PTPRO: variants seen among roughly 807,000 people sequenced by gnomAD.
The protein encoded by PTPRO is protein tyrosine phosphatase receptor type O.
Under a neutral mutation model 145.2 loss-of-function variants are expected in PTPRO, and 62 were observed. The ratio of observed to expected loss-of-function variants is 0.43; its 90% CI spans 0.35 to 0.53. The LOEUF is 0.53. Ranked by LOEUF, PTPRO falls within the 20% of genes least tolerant of loss-of-function variation. The probability of loss-of-function intolerance (pLI) is 0.01; values close to 1 mark genes in which losing one functional copy is unlikely to be tolerated. For missense variants in PTPRO, 1,345 were observed against 1,482.7 expected, an observed-to-expected ratio of 0.91 and a Z score of 1.53; for synonymous variants, 565 against 514.7, an observed-to-expected ratio of 1.10 and a Z score of -1.32.
intron 10 of PTPRO, among the ~76,000 whole-genome samples, chr12:15,521,282 T>C (rs1287437632): frequency 3.3e-5 from 5 of 152,142 alleles, no homozygotes; most frequent in African/African-American, 1.2e-4. Context: ...ACAATTAACT[T>C]ACATAAGCAT....
At chr12:15,392,219 T>C (rs545687907) in intron 1 of PTPRO, among the ~76,000 whole-genome samples, 2 of 152,288 alleles carry the variant, frequency 1.3e-5, no homozygotes. Flanking sequence ...ATATTAGCAG[T>C]GACCCCAGAG....
At chr12:15,511,833 G>A (rs1200863105) in intron 7 of PTPRO, among the ~76,000 whole-genome samples, 1 of 152,122 alleles carries the variant, frequency 6.6e-6, no homozygotes, top group Non-Finnish European at 1.5e-5. Flanking sequence ...CAAAGTGGTG[G>A]GATTACAGGC....
At chr12:15,512,645 T>C (rs1376150469) in intron 7 of PTPRO, among the ~76,000 whole-genome samples, 1 of 152,206 alleles carries the variant, frequency 6.6e-6, no homozygotes, top group African/African-American at 2.4e-5. Flanking sequence ...AATAAAATAA[T>C]ATTGCTTAGT....
rs1942878702 is a variant in PTPRO at position 15,528,030 on chromosome 12, T to C, written c.2164+1768T>C. On this transcript the variant is annotated intron_variant, in intron 12 of 26. Transcript: ENST00000281171. ...AACACAGAAAAGCAATTCAGAAATT[T>C]ATCAGAGAAATTTTTAAATCAAACA... Among the ~76,000 whole-genome samples the C allele has an allele frequency of 2.0e-5, 3 of 152,078 alleles. No individual in the cohort carries two copies. In the South Asian group the frequency reaches 6.2e-4, roughly 32 times the overall value.
intron 5 of PTPRO, among the ~76,000 whole-genome samples, chr12:15,503,582 A>G (rs927486855): frequency 5.3e-5 from 8 of 152,114 alleles, no homozygotes; most frequent in Non-Finnish European, 1.2e-4. Context: ...AAAGCCAACA[A>G]TTGTTAACTT....
chr12:15,488,014 C>G (rs1941925993), intron 2 of PTPRO, among the ~76,000 whole-genome samples: 1 of 152,120 alleles, frequency 6.6e-6, no homozygotes, highest in African/African-American at 2.4e-5. Flanking sequence ...AGTGTGTCGC[C>G]TCTCTCCAGA....
At chr12:15,442,844 C>A (rs1361630547) in intron 1 of PTPRO, among the ~76,000 whole-genome samples, 2 of 152,112 alleles carry the variant, frequency 1.3e-5, no homozygotes, top group East Asian at 3.9e-4. Context: ...AATGAAAAAA[C>A]ATTCCATGCT....
At chr12:15,468,622 T>C (rs1166112711) in intron 1 of PTPRO, among the ~76,000 whole-genome samples, 2 of 152,236 alleles carry the variant, frequency 1.3e-5, no homozygotes, top group Non-Finnish European at 2.9e-5. Context: ...TTCTTAACAA[T>C]GCTTTTTCCA....
chr12:15,346,128 T>C (rs1867202850), intron 1 of PTPRO, among the ~76,000 whole-genome samples: 1 of 152,220 alleles, frequency 6.6e-6, no homozygotes, highest in Admixed American at 6.5e-5. Flanking sequence ...TTTTAGACTT[T>C]ACTGTGTCTG....
At chr12:15,447,627 A>G (rs955725971) in intron 1 of PTPRO, among the ~76,000 whole-genome samples, 1 of 152,196 alleles carries the variant, frequency 6.6e-6, no homozygotes, top group Non-Finnish European at 1.5e-5. Context: ...GGCAAGCATG[A>G]TGGATGCATT....
At chr12:15,494,691 A>G (rs1942066124) in intron 2 of PTPRO, among the ~76,000 whole-genome samples, 1 of 152,196 alleles carries the variant, frequency 6.6e-6, no homozygotes, top group South Asian at 2.1e-4. Context: ...TGCAGAAAAA[A>G]AATTGGAAAA....
At chr12:15,478,227 GC>G (rs1157722845) in intron 1 of PTPRO, among the ~76,000 whole-genome samples, 3 of 152,148 alleles carry the variant, frequency 2.0e-5, no homozygotes, top group African/African-American at 7.2e-5. Context: ...GTGATCACCA[GC>G]CAATAGGTTT....
At chr12:15,551,406 T>C (rs528906722) in intron 14 of PTPRO, 145 bp from the exon 15 acceptor site, 4 of 1,073,132 alleles carry the variant, frequency 3.7e-6, no homozygotes, top group Non-Finnish European at 4.2e-6. Flanking sequence ...GAAGAGGTCA[T>C]TGCTGGCTTG....
At chr12:15,577,087 G>A (rs1210498716) in intron 19 of PTPRO, among the ~76,000 whole-genome samples, 1 of 152,142 alleles carries the variant, frequency 6.6e-6, no homozygotes, top group Non-Finnish European at 1.5e-5. Flanking sequence ...AAATAACAAT[G>A]GGAAGCATCT....
At chr12:15,579,932 G>T in intron 20 of PTPRO, 107 bp from the exon 21 acceptor site, 1 of 834,222 alleles carries the variant, frequency 1.2e-6, no homozygotes, top group Non-Finnish European at 2.0e-6. Flanking sequence ...ATTATTATCT[G>T]CCTACTCTGT....
chr12:15,454,300 C>T (rs1013279048), intron 1 of PTPRO, among the ~76,000 whole-genome samples: 2 of 152,102 alleles, frequency 1.3e-5, no homozygotes, highest in Non-Finnish European at 2.9e-5. Flanking sequence ...ATTTGCATTT[C>T]CCTGATTGTA....
At chr12:15,486,048 C>T (rs1033042489) in intron 2 of PTPRO, among the ~76,000 whole-genome samples, 3 of 152,014 alleles carry the variant, frequency 2.0e-5, no homozygotes, top group South Asian at 2.1e-4. Context: ...CAATAAGTAC[C>T]GACCAGGTCA....
chr12:15,499,434 C>T lies in PTPRO; in HGVS notation c.509-8C>T. 3.1e-6 allele frequency: 5 copies of T among 1,611,476 alleles called. No individual in the cohort carries two copies. The highest frequency in any genetic ancestry group is 4.2e-6 in the Non-Finnish European group (5 of 1,177,760). ...ATATTTTTCATGTAATTGATTTTCTCTTCACAGATTTCTTTAAGGGAAAAA... is the reference window on the plus strand; with the variant it reads ...ATATTTTTCATGTAATTGATTTTCTTTTCACAGATTTCTTTAAGGGAAAAA... On this transcript the variant is annotated splice_region_variant and splice_polypyrimidine_tract_variant and intron_variant, in intron 3 of 26. Coordinates refer to ENST00000281171, the MANE Select transcript of PTPRO (RefSeq NM_030667.3).
intron 1 of PTPRO, among the ~76,000 whole-genome samples, chr12:15,459,652 G>C (rs912591498): frequency 3.3e-5 from 5 of 152,182 alleles, no homozygotes; most frequent in African/African-American, 7.2e-5. Flanking sequence ...CTGGGTTTAT[G>C]ATGGGAACGA....
Sources: gnomAD v4.1 joint callset for allele counts (sites outside exome capture counted in the v4.1 genomes callset) on GRCh38, gnomAD v4.1.1 for gene constraint, MANE v1.5 for transcripts, NCBI Gene and HGNC (gene_info 2026-07-23, HGNC 2026-07-21) for gene names.